The following SDK2 variants were observed in gnomAD, a reference collection of about 807,000 sequenced individuals.
The protein encoded by SDK2 is protein sidekick-2.
SDK2 carries 105 observed loss-of-function variants against 253.9 expected under a neutral mutation model. The observed-to-expected ratio is 0.41, with a 90% CI of 0.35 to 0.49. The LOEUF is 0.49. Ranked by LOEUF, SDK2 falls within the 20% of genes least tolerant of loss-of-function variation. The pLI is 0.06. For synonymous variants in SDK2, 1,249 were observed against 1,234.9 expected (o/e 1.01, Z -0.24); for missense variants, 2,608 against 3,003.0 (o/e 0.87, Z 3.07).
chr17:73,352,442 T>A lies in SDK2; in HGVS notation c.5758+31A>T. ...CAGCCCCCAGGCTCTGCTGTGGGGC[T>A]CCCCCACTCCCTCAGCCCCCAGGCC... is the stretch of plus-strand genomic sequence containing the variant. On this transcript the variant is annotated intron_variant, in intron 41 of 44. Coordinates refer to ENST00000392650, the MANE Select transcript of SDK2 (RefSeq NM_001144952.2). The surrounding 1 kb of genome is among the most constrained non-coding windows in gnomAD (Gnocchi z 4.1). 1.3e-6 allele frequency: 2 copies of A among 1,591,768 alleles called. No homozygotes were observed. Among genetic ancestry groups the A allele is most frequent in the South Asian group, 2.3e-5 (2 of 88,344 alleles).
intron 1 of SDK2, among the ~76,000 whole-genome samples, chr17:73,544,768 C>T (rs1205590828): frequency 2.0e-5 from 3 of 152,144 alleles, no homozygotes; most frequent in African/African-American, 7.2e-5. Context: ...GAAATGGCTT[C>T]CATGACACTT....
chr17:73,355,174 A>ATATATATATATATATTTTTTTTTTTTTT, intron 40 of SDK2, among the ~76,000 whole-genome samples: 1 of 47,224 alleles, frequency 2.1e-5, no homozygotes, highest in African/African-American at 1.6e-4. Context: ...ATATATATAT[A>ATATATATATATATATTTTTTTTTTTTTT]TTTTTTTTTT....
intron 24 of SDK2, 62 bp downstream of exon 24, chr17:73,397,973 C>G (rs929384992): frequency 1.0e-5 from 16 of 1,570,478 alleles, no homozygotes; most frequent in Non-Finnish European, 1.3e-5. Flanking sequence ...TGTGCACCTT[C>G]TAGGAGGCAA....
At chr17:73,420,669 T>G (rs1204324793) in intron 15 of SDK2, among the ~76,000 whole-genome samples, 1 of 150,262 alleles carries the variant, frequency 6.7e-6, no homozygotes, top group South Asian at 2.1e-4. Context: ...TAAGGGTGAT[T>G]TGGCCTTTTT....
chr17:73,390,546 G>C (rs1171210247), intron 28 of SDK2, 65 bp from the exon 29 acceptor site: 17 of 1,485,946 alleles, frequency 1.1e-5, no homozygotes, highest in Non-Finnish European at 1.4e-5. Context: ...GCCCCGGGAA[G>C]GGTTGTTCCG....
Position 73,609,190 on chromosome 17 carries a change from T to C in SDK2, c.64+34835A>G, listed in dbSNP as rs867401828. 5.5e-4 allele frequency among the ~76,000 whole-genome samples: 82 copies of C among 148,446 alleles called. 1 individual carries two copies. The highest frequency in any genetic ancestry group is 2.0e-3 in the African/African-American group (79 of 39,548). ...GACTTGGTCATCAAAGTGAATGCAG[T>C]GTTGGAGAGATAAGCCTGGAGTGTG... On this transcript the variant is annotated intron_variant, in intron 1 of 44. Transcript: ENST00000392650. This position sits in a 1 kb window ranked among gnomAD's most constrained non-coding sequence, Gnocchi z 4.4.
intron 21 of SDK2, among the ~76,000 whole-genome samples, chr17:73,400,591 C>T (rs755136479): frequency 1.3e-5 from 2 of 152,032 alleles, no homozygotes; most frequent in Non-Finnish European, 2.9e-5. Context: ...CAGACCCACA[C>T]AGCACAAGGG....
chr17:73,413,360 T>G (rs556198209), intron 18 of SDK2, among the ~76,000 whole-genome samples: 1 of 152,000 alleles, frequency 6.6e-6, no homozygotes, highest in South Asian at 2.1e-4. Flanking sequence ...GATTCTACAT[T>G]GTGGTGAGTT....
At chr17:73,380,819 C>T (rs1285519838) in intron 34 of SDK2, 75 bp downstream of exon 34, 4 of 1,328,918 alleles carry the variant, frequency 3.0e-6, no homozygotes, top group Non-Finnish European at 4.2e-6. Context: ...GTGATCAGGT[C>T]TCTCAAGGAG....
rs546487721 is a variant in SDK2, at chr17:73,407,219, A to G, written c.2485-5078T>C. On this transcript the variant is annotated intron_variant, in intron 18 of 44. Transcript: ENST00000392650. ...ACTGAAAGCAACAAGAGCCCCTTAA[A>G]GAAATGGCCGATGCCTGGCACAGTG... 3.3e-5 allele frequency among the ~76,000 whole-genome samples: 5 copies of G among 152,348 alleles called. No individual in the cohort carries two copies. The South Asian group carries it at 1.0e-3, about 32-fold the overall frequency.
At chr17:73,492,431 C>G (rs1409980561) in intron 2 of SDK2, among the ~76,000 whole-genome samples, 1 of 152,086 alleles carries the variant, frequency 6.6e-6, no homozygotes, top group African/African-American at 2.4e-5. Flanking sequence ...TGTGCCCTAT[C>G]TCCCCTGGAG....
At chr17:73,488,094 C>T (rs2063781248) in intron 2 of SDK2, among the ~76,000 whole-genome samples, 1 of 152,156 alleles carries the variant, frequency 6.6e-6, no homozygotes, top group Admixed American at 6.5e-5. Context: ...CGGCTCACTG[C>T]AAGCTCTGCC....
Position 73,547,680 on chromosome 17 carries a change from G to A in SDK2, c.65-40083C>T, listed in dbSNP as rs184833862. On this transcript the variant is annotated intron_variant, in intron 1 of 44. Transcript: ENST00000392650. Reference sequence around the variant, plus strand: ...CCTTCAAGCTCTTGGTCAGAAGGGAGGGAGGGCAAAGGAAAAAGTCTGTTT... The same window carrying A: ...CCTTCAAGCTCTTGGTCAGAAGGGAAGGAGGGCAAAGGAAAAAGTCTGTTT... Among the ~76,000 whole-genome samples the A allele has an allele frequency of 3.7e-3, 558 of 152,312 alleles. 7 individuals carry two copies. Among genetic ancestry groups the A allele is most frequent in the African/African-American group, 0.013 (538 of 41,566 alleles).
intron 1 of SDK2, among the ~76,000 whole-genome samples, chr17:73,586,400 G>A (rs965500312): frequency 6.6e-6 from 1 of 151,906 alleles, no homozygotes; most frequent in Non-Finnish European, 1.5e-5. Context: ...TCTCCCCCTC[G>A]CTGAGACCAA....
intron 15 of SDK2, among the ~76,000 whole-genome samples, chr17:73,421,573 CT>C (rs36068491): frequency 0.012 from 1,049 of 90,716 alleles, 7 homozygotes; most frequent in Middle Eastern, 0.033. Flanking sequence ...CAATTTCCAT[CT>C]TTTTTTTTTT....
At chr17:73,560,050 C>A (rs9890946) in intron 1 of SDK2, among the ~76,000 whole-genome samples, 3,017 of 152,272 alleles carry the variant, frequency 0.02, 91 homozygotes, top group African/African-American at 0.067. Flanking sequence ...AAGGGTCCTG[C>A]CTTGGCCCTA....
At chr17:73,545,423 A>G (rs533927850) in intron 1 of SDK2, among the ~76,000 whole-genome samples, 14 of 152,282 alleles carry the variant, frequency 9.2e-5, no homozygotes, top group African/African-American at 3.1e-4. Context: ...GCACACACAC[A>G]CGAGCTACTT....
chr17:73,619,166 C>CAAAA (rs540815987), intron 1 of SDK2, among the ~76,000 whole-genome samples: 1 of 90,270 alleles, frequency 1.1e-5, no homozygotes, highest in Non-Finnish European at 2.2e-5. Context: ...GACCCTGTCT[C>CAAAA]AAAAAAAAAA....
intron 1 of SDK2, among the ~76,000 whole-genome samples, chr17:73,574,046 C>G (rs11077690): frequency 0.28 from 42,882 of 152,050 alleles, 6,192 homozygotes; most frequent in South Asian, 0.41. Flanking sequence ...CTTCCTGACA[C>G]TACCGCTCAC....
Sources: gnomAD v4.1 joint callset for allele counts (sites outside exome capture counted in the v4.1 genomes callset) on GRCh38, gnomAD v4.1.1 for gene constraint, Gnocchi (gnomAD v3.1) non-coding constraint, MANE v1.5 for transcripts, NCBI Gene and HGNC (gene_info 2026-07-23, HGNC 2026-07-21) for gene names.